The following VPS52 variants were observed in gnomAD, a reference collection of about 807,000 sequenced individuals.
VPS52 encodes the protein VPS52 subunit of GARP complex, also known as vacuolar protein sorting-associated protein 52 homolog.
VPS52 carries 56 observed loss-of-function variants against 98.7 expected under a neutral mutation model. The ratio of observed to expected loss-of-function variants is 0.57; its 90% CI spans 0.46 to 0.71. The LOEUF (loss-of-function observed/expected upper bound fraction) is 0.71. Among genes scored for constraint, VPS52 ranks in the 30% least tolerant of loss-of-function variants. The probability of loss-of-function intolerance (pLI) is 0.00; values close to 1 mark genes in which losing one functional copy is unlikely to be tolerated. For synonymous variants in VPS52, 348 were observed against 346.4 expected, an observed-to-expected ratio of 1.00 and a Z score of -0.05; for missense variants, 742 against 925.9, an observed-to-expected ratio of 0.80 and a Z score of 2.58.
chr6:33,271,130 T>C (rs1261206014), intron 1 of VPS52: 1 of 458,358 alleles, frequency 2.2e-6, no homozygotes, highest in Non-Finnish European at 3.9e-6. Flanking sequence ...AAACACATAG[T>C]GTTTACCTGC....
At chr6:33,269,682 G>A in intron 4 of VPS52, 62 bp downstream of exon 4, 1 of 1,582,322 alleles carries the variant, frequency 6.3e-7, no homozygotes, top group East Asian at 2.2e-5. Flanking sequence ...TGGGACATCT[G>A]TACCACACGC....
chr6:33,263,923 A>C, intron 15 of VPS52, 44 bp from the exon 16 acceptor site: 4 of 1,613,278 alleles, frequency 2.5e-6, no homozygotes, highest in Non-Finnish European at 3.4e-6. Flanking sequence ...AAGCAAGGTC[A>C]TCTGGGCCCC....
Position 33,258,462 on chromosome 6 carries a change from C to CAA in VPS52, c.1794+5020_1794+5021dup, listed in dbSNP as rs577211753. Among the ~76,000 whole-genome samples, 951 of 115,126 alleles carry CAA rather than the reference C, an allele frequency of 8.3e-3. 2 individuals carry two copies. The highest frequency in any genetic ancestry group is 0.013 in the Non-Finnish European group (729 of 56,140). The allele number at this position is 115,126 out of a possible 152,430, so 75.5% of individuals were successfully genotyped here. ...CAACACAGAAAGACCCTCATCTCAC[C>CAA]AAAAAAAAAAAAAAAAGTAAAAAGA... On this transcript the variant is annotated intron_variant, in intron 17 of 19. Transcript: ENST00000445902.
Position 33,269,858 on chromosome 6 carries a change from C to G in VPS52, c.229-39G>C, listed in dbSNP as rs199569132. 6 of 1,603,052 alleles carry G rather than the reference C, an allele frequency of 3.7e-6. No individual in the cohort carries two copies. In the Admixed American group the frequency reaches 1.0e-4, roughly 27 times the overall value. ...AAGATGACAGGTCAGAAGGAAGTCT[C>G]AGTAAAGGGACACTGTAACAGAATC... On this transcript the variant is annotated intron_variant, in intron 3 of 19. Coordinates refer to ENST00000445902, the MANE Select transcript of VPS52 (RefSeq NM_022553.6).
rs754816467 is a variant in VPS52, at chr6:33,269,560, G to A, written c.305-3C>T. On this transcript the variant is annotated splice_region_variant and splice_polypyrimidine_tract_variant and intron_variant, in intron 4 of 19. Transcript: ENST00000445902. Reference sequence around the variant, plus strand: ...TATATTCTCACTCTCTTGAATATCTGATCCACAAAAAGTCAAGGGGCCTCA... The same window carrying A: ...TATATTCTCACTCTCTTGAATATCTAATCCACAAAAAGTCAAGGGGCCTCA... 21 of 1,606,696 alleles carry A rather than the reference G, an allele frequency of 1.3e-5. No individual in the cohort carries two copies. The highest frequency in any genetic ancestry group is 1.6e-5 in the Non-Finnish European group (19 of 1,177,428).
At chr6:33,258,462 CAA>C (rs577211753) in intron 17 of VPS52, among the ~76,000 whole-genome samples, 55 of 115,140 alleles carry the variant, frequency 4.8e-4, no homozygotes, top group East Asian at 1.6e-3. Context: ...CTCATCTCAC[CAA>C]AAAAAAAAAA....
Position 33,268,300 on chromosome 6 carries a change from C to A in VPS52, c.700-92G>T. 1.4e-6 allele frequency: 2 copies of A among 1,407,930 alleles called. No individual in the cohort carries two copies. Among genetic ancestry groups the A allele is most frequent in the Admixed American group, 1.7e-5 (1 of 57,426 alleles). The allele number at this position is 1,407,930 out of a possible 1,614,324, so 87.2% of individuals were successfully genotyped here. ...GGAAGCAACAAATGGTAAACATAGG[C>A]AGAAGGGTGGTGAATATCTCTTTGG... On this transcript the variant is annotated intron_variant, in intron 7 of 19. Coordinates refer to ENST00000445902, the MANE Select transcript of VPS52 (RefSeq NM_022553.6). This position sits in a 1 kb window ranked among gnomAD's most constrained non-coding sequence, Gnocchi z 4.0.
intron 17 of VPS52, among the ~76,000 whole-genome samples, chr6:33,255,304 C>T (rs1400067984): frequency 3.9e-5 from 6 of 151,934 alleles, no homozygotes; most frequent in African/African-American, 9.7e-5. Flanking sequence ...TGGCAGCTGG[C>T]GAGTCTCTAT....
At position 33,268,440 on chromosome 6, in the gene VPS52, T is replaced by C; in HGVS notation, c.699+59A>G. ...TGAGCTCTGCCAAGGAAATCCATAG[T>C]GAAGATCTTGGGAAGGCTGCTTCCA... On this transcript the variant is annotated intron_variant, in intron 7 of 19. Coordinates refer to ENST00000445902, the MANE Select transcript of VPS52 (RefSeq NM_022553.6). The surrounding 1 kb of genome is among the most constrained non-coding windows in gnomAD (Gnocchi z 4.0). 1 of 1,538,312 alleles carries C rather than the reference T, an allele frequency of 6.5e-7. No homozygotes were observed. Among genetic ancestry groups the C allele is most frequent in the South Asian group, 1.3e-5 (1 of 79,380 alleles).
Position 33,264,380 on chromosome 6 carries a change from G to A in VPS52, c.1518C>T (p.Pro506=), listed in dbSNP as rs1764029576. ...TACCCTTGCCCTCCCTCACATAGTG[G>A]GGCCGAGTATCCAACCCCCCTAGGC... ...PQRLGGLDTR[P]HYITRRYAEF... is the part of the protein sequence containing the mutation. The change falls in exon 14 of 20, where the codon CCC becomes CCT. Residue 506 remains proline (P), a synonymous_variant. Coordinates refer to ENST00000445902, the MANE Select transcript of VPS52 (RefSeq NM_022553.6). 6.2e-7 allele frequency: 1 copy of A among 1,614,050 alleles called. No homozygotes were observed. The highest frequency in any genetic ancestry group is 2.2e-5 in the East Asian group (1 of 44,882).
chr6:33,270,358 T>G, intron 1 of VPS52, 75 bp from the exon 2 acceptor site: 2 of 1,387,854 alleles, frequency 1.4e-6, no homozygotes, highest in Non-Finnish European at 2.0e-6. Context: ...ATATCCCCAG[T>G]CCTTCAAGTG....
At chr6:33,270,620 C>T (rs890877774) in intron 1 of VPS52, among the ~76,000 whole-genome samples, 2 of 152,058 alleles carry the variant, frequency 1.3e-5, no homozygotes, top group Non-Finnish European at 2.9e-5. Context: ...CACAGGGAAA[C>T]CCGTCTAAAG....
intron 19 of VPS52, 120 bp from the exon 20 acceptor site, chr6:33,251,107 G>T: frequency 7.3e-7 from 1 of 1,368,820 alleles, no homozygotes; most frequent in Non-Finnish European, 1.0e-6. Context: ...ACTGTGGGAG[G>T]CCATGGCGGG....
intron 13 of VPS52, 131 bp downstream of exon 13, chr6:33,264,651 G>T: frequency 1.4e-6 from 2 of 1,399,928 alleles, no homozygotes; most frequent in Non-Finnish European, 1.0e-6. Context: ...CAGCACTACT[G>T]CCTCCGGAGC....
At chr6:33,256,236 G>A (rs967888816) in intron 17 of VPS52, among the ~76,000 whole-genome samples, 3 of 151,844 alleles carry the variant, frequency 2.0e-5, no homozygotes, top group Non-Finnish European at 4.4e-5. Context: ...CAGGTGGAGT[G>A]GCTCACATCT....
In VPS52 at chr6:33,267,590, A is replaced by G; in HGVS notation, c.991+92T>C. The G allele has an allele frequency of 6.8e-7, 1 of 1,462,170 alleles. No homozygotes were observed. 90.6% of individuals were successfully genotyped at this position (1,462,170 alleles called of 1,614,324 possible). The stretch of plus-strand genomic sequence containing the variant: ...ACATTCTAAAAGGTTTCAGTCCCAT[A>G]GGAAAAGGTAAGGAGCAGTGCATTG... On this transcript the variant is annotated intron_variant, in intron 10 of 19. Coordinates refer to ENST00000445902, the MANE Select transcript of VPS52 (RefSeq NM_022553.6). This position sits in a 1 kb window ranked among gnomAD's most constrained non-coding sequence, Gnocchi z 4.2.
At chr6:33,269,246 C>A in intron 5 of VPS52, 57 bp from the exon 6 acceptor site, 1 of 1,595,318 alleles carries the variant, frequency 6.3e-7, no homozygotes, top group Non-Finnish European at 8.6e-7. Context: ...GATAAGTGGG[C>A]CACCAAAGAC....
Position 33,268,218 on chromosome 6 carries a change from G to A in VPS52, c.700-10C>T. ...GGATCTTCGTCACTGCCTAGATGTG[G>A]GGAACCAAACACAGGGCATGAAGCT... On this transcript the variant is annotated splice_polypyrimidine_tract_variant and intron_variant, in intron 7 of 19. Transcript: ENST00000445902. The surrounding 1 kb of genome is among the most constrained non-coding windows in gnomAD (Gnocchi z 4.0). The A allele has an allele frequency of 6.2e-6, 10 of 1,612,852 alleles. No homozygotes were observed. Among genetic ancestry groups the A allele is most frequent in the African/African-American group, 1.3e-5 (1 of 75,054 alleles).
chr6:33,265,446 A>G (rs899146468), intron 12 of VPS52, among the ~76,000 whole-genome samples: 3 of 152,168 alleles, frequency 2.0e-5, no homozygotes, highest in African/African-American at 7.2e-5. Flanking sequence ...AGTTCACTGC[A>G]GCCTCAAACA....
Sources: gnomAD v4.1 joint callset for allele counts (sites outside exome capture counted in the v4.1 genomes callset) on GRCh38, gnomAD v4.1.1 for gene constraint, Gnocchi (gnomAD v3.1) non-coding constraint, MANE v1.5 for transcripts, NCBI Gene and HGNC (gene_info 2026-07-23, HGNC 2026-07-21) for gene names.